The following FRYL variants were observed in gnomAD, a reference collection of about 807,000 sequenced individuals.
FRYL encodes FRY like transcription coactivator.
In FRYL, 150 loss-of-function variants were observed where a neutral mutation model predicts 351.2. The ratio of observed to expected loss-of-function variants is 0.43; its 90% CI spans 0.37 to 0.49. The LOEUF (loss-of-function observed/expected upper bound fraction) is 0.49. FRYL is among the 20% of genes least tolerant of loss of function. The probability of loss-of-function intolerance (pLI) is 0.00; values close to 1 mark genes in which losing one functional copy is unlikely to be tolerated. For missense variants in FRYL, 3,036 were observed against 3,619.3 expected, an observed-to-expected ratio of 0.84 and a Z score of 4.13; for synonymous variants, 1,153 against 1,257.1, an observed-to-expected ratio of 0.92 and a Z score of 1.75.
chr4:48,727,825 A>G (rs1770251995), intron 1 of FRYL, among the ~76,000 whole-genome samples: 1 of 152,174 alleles, frequency 6.6e-6, no homozygotes, highest in Non-Finnish European at 1.5e-5. Flanking sequence ...CATGTGGAGG[A>G]AAAGAAATAC....
intron 27 of FRYL, among the ~76,000 whole-genome samples, chr4:48,568,803 A>G (rs1737472680): frequency 6.6e-6 from 1 of 152,164 alleles, no homozygotes; most frequent in Admixed American, 6.5e-5. Flanking sequence ...ATGACCTACT[A>G]GTGGATAGGA....
At chr4:48,652,886 T>C (rs1758012105) in intron 3 of FRYL, among the ~76,000 whole-genome samples, 1 of 152,218 alleles carries the variant, frequency 6.6e-6, no homozygotes, top group Non-Finnish European at 1.5e-5. Flanking sequence ...TGCCACTGTA[T>C]GACCTTGGAA....
At chr4:48,747,164 C>CA (rs35461277) in intron 1 of FRYL, among the ~76,000 whole-genome samples, 1 of 149,906 alleles carries the variant, frequency 6.7e-6, no homozygotes, top group Non-Finnish European at 1.5e-5. Flanking sequence ...TTCCCCTATC[C>CA]CCCCCCAAAA....
intron 47 of FRYL, among the ~76,000 whole-genome samples, chr4:48,537,039 CAGAA>C (rs1481219537): frequency 1.8e-4 from 27 of 151,756 alleles, no homozygotes; most frequent in Admixed American, 6.6e-5. Flanking sequence ...AAACAGACAC[CAGAA>C]AGAAAAAGAA....
rs1203248278 is a variant in FRYL at position 48,534,649 on chromosome 4, A to G, written c.6601T>C (p.Leu2201=). The G allele has an allele frequency of 1.9e-6, 3 of 1,585,648 alleles. No homozygotes were observed. In the Admixed American group the frequency reaches 5.0e-5, roughly 26 times the overall value. ...AATAGACTATAAATAATCTGTAGTA[A>G]TGATTGCTGCATACTGGACAATCCT... The part of the protein sequence containing the change: ...EKGLSSMQQS[L]LQIIYSLLSH... Residue 2201 remains leucine (L), a synonymous_variant, in exon 49 of 64, where the codon TTA becomes CTA. Transcript: ENST00000358350.
intron 3 of FRYL, among the ~76,000 whole-genome samples, chr4:48,653,115 A>G (rs1758072517): frequency 6.6e-6 from 1 of 152,216 alleles, no homozygotes; most frequent in Admixed American, 6.5e-5. Context: ...TTAGGAAGAG[A>G]GTTACGGACA....
intron 31 of FRYL, 55 bp downstream of exon 31, chr4:48,563,893 A>C: frequency 1.3e-6 from 2 of 1,563,292 alleles, no homozygotes; most frequent in Non-Finnish European, 1.7e-6. Flanking sequence ...CAAAAGAAAA[A>C]CTTTTCTTTA....
intron 1 of FRYL, among the ~76,000 whole-genome samples, chr4:48,763,988 G>GT (rs1171809898): frequency 2.0e-5 from 3 of 151,958 alleles, no homozygotes; most frequent in Non-Finnish European, 4.4e-5. Context: ...GGCCAATGTG[G>GT]TGAAACCCCG....
In FRYL at chr4:48,534,667, A is replaced by T; in HGVS notation, c.6583T>A (p.Ser2195Thr). 6.4e-7 allele frequency: 1 copy of T among 1,560,314 alleles called. No homozygotes were observed. Among genetic ancestry groups the T allele is most frequent in the Non-Finnish European group, 8.8e-7 (1 of 1,137,094 alleles). Residue 2195 changes from serine (S) to threonine (T), a missense_variant, in exon 49 of 64, where the codon TCC becomes ACC. Around this residue, in one of 7 missense-constraint regions of FRYL, gnomAD observed 1,987 missense variants for 2,311.7 expected, o/e 0.86. Transcript: ENST00000358350. The stretch of plus-strand genomic sequence containing the variant: ...TGTAGTAATGATTGCTGCATACTGG[A>T]CAATCCTTTCTCTAACAGCTAAAAA... ...YLAELLEKGL[S>T]SMQQSLLQII...
intron 13 of FRYL, 122 bp downstream of exon 13, chr4:48,601,898 A>C (rs1361418238): frequency 1.8e-6 from 1 of 557,078 alleles, no homozygotes; most frequent in African/African-American, 1.9e-5. Context: ...GGAATGTGGC[A>C]AAGTGTTGCT....
intron 54 of FRYL, among the ~76,000 whole-genome samples, chr4:48,521,720 G>A (rs561995579): frequency 3.3e-5 from 5 of 152,306 alleles, no homozygotes; most frequent in East Asian, 1.9e-4. Context: ...GAACAGGGCC[G>A]GGTGCATCGT....
At chr4:48,502,721 A>C in intron 61 of FRYL, 107 bp downstream of exon 61, 1 of 812,568 alleles carries the variant, frequency 1.2e-6, no homozygotes, top group South Asian at 1.6e-5. Context: ...CTACTTGTAA[A>C]GTAGTCCACG....
At chr4:48,577,198 T>G (rs1739814073) in intron 23 of FRYL, among the ~76,000 whole-genome samples, 1 of 152,222 alleles carries the variant, frequency 6.6e-6, no homozygotes. Context: ...AGAAGATACA[T>G]ATTTTCAAGG....
intron 54 of FRYL, among the ~76,000 whole-genome samples, chr4:48,521,483 A>G (rs1287862795): frequency 6.6e-6 from 1 of 152,204 alleles, no homozygotes; most frequent in East Asian, 1.9e-4. Flanking sequence ...AACTATGTTA[A>G]CCTTGAGCTG....
intron 1 of FRYL, among the ~76,000 whole-genome samples, chr4:48,760,493 T>G (rs1216421592): frequency 6.6e-6 from 1 of 152,200 alleles, no homozygotes; most frequent in Non-Finnish European, 1.5e-5. Context: ...ATAAAGAGTT[T>G]TACTTCTTCT....
chr4:48,632,430 T>C (rs891025444), intron 4 of FRYL, among the ~76,000 whole-genome samples: 66 of 150,620 alleles, frequency 4.4e-4, no homozygotes, highest in African/African-American at 1.2e-3. Context: ...TCAGAGACCA[T>C]TGAAAAAGAA....
intron 25 of FRYL, 115 bp downstream of exon 25, chr4:48,575,002 G>T: frequency 1.3e-6 from 1 of 794,764 alleles, no homozygotes. Context: ...GTCAGGCCTG[G>T]TATGCGGTCA....
intron 2 of FRYL, among the ~76,000 whole-genome samples, chr4:48,709,561 T>TA (rs1300503142): frequency 6.6e-6 from 1 of 152,206 alleles, no homozygotes; most frequent in Admixed American, 6.5e-5. Flanking sequence ...AAAGTATCTC[T>TA]ATCAGATAGG....
intron 32 of FRYL, 144 bp downstream of exon 32, chr4:48,562,742 CTAA>C (rs1320494752): frequency 1.8e-6 from 1 of 570,860 alleles, no homozygotes; most frequent in Non-Finnish European, 3.1e-6. Flanking sequence ...TCTTATACTT[CTAA>C]TAATAATTAG....
Sources: allele counts gnomAD v4.1 joint callset (sites outside exome capture counted in the v4.1 genomes callset), GRCh38; gene constraint gnomAD v4.1.1; regional missense constraint gnomAD v4.1.1; transcripts MANE v1.5; gene names NCBI Gene and HGNC (gene_info 2026-07-23, HGNC 2026-07-21).